SRBD1: variants seen among roughly 807,000 people sequenced by gnomAD.
The protein encoded by SRBD1 is S1 RNA binding domain 1, also known as S1 RNA-binding domain-containing protein 1.
A neutral mutation model predicts 115.3 loss-of-function variants in SRBD1; 88 were observed. That is an observed-to-expected ratio of 0.76 (90% CI 0.64 to 0.91). The LOEUF is 0.91. Among genes scored for constraint, SRBD1 ranks in the 40% least tolerant of loss-of-function variants. SRBD1 has a pLI of 0.00. For missense variants in SRBD1, 1,385 were observed against 1,177.4 expected, an observed-to-expected ratio of 1.18 and a Z score of -2.58; for synonymous variants, 509 against 407.7, an observed-to-expected ratio of 1.25 and a Z score of -2.99.
At chr2:45,517,987 A>G (rs1216526573) in intron 14 of SRBD1, among the ~76,000 whole-genome samples, 1 of 152,140 alleles carries the variant, frequency 6.6e-6, no homozygotes, top group Non-Finnish European at 1.5e-5. Flanking sequence ...GGTGACAGGG[A>G]GCCTATCTCA....
intron 12 of SRBD1, among the ~76,000 whole-genome samples, chr2:45,548,830 T>C (rs1169680031): frequency 3.3e-5 from 5 of 151,220 alleles, no homozygotes; most frequent in South Asian, 2.1e-4. Flanking sequence ...AGAACATAGA[T>C]AAAATATCCC....
Position 45,520,895 on chromosome 2 carries a change from C to T in SRBD1, c.1874+25837G>A, listed in dbSNP as rs149392899. Among the ~76,000 whole-genome samples the T allele has an allele frequency of 1.4e-4, 22 of 152,312 alleles. No homozygotes were observed. The East Asian group carries it at 4.3e-3, about 29-fold the overall frequency. On this transcript the variant is annotated intron_variant, in intron 14 of 20. Coordinates refer to ENST00000263736, the MANE Select transcript of SRBD1 (RefSeq NM_018079.5). The stretch of plus-strand genomic sequence containing the variant: ...AAGTCCATGTGTAACCCAATTCTTC[C>T]AGGATGTTGGACAACAGCTTGGGAT...
intron 14 of SRBD1, among the ~76,000 whole-genome samples, chr2:45,529,331 G>T (rs1026621821): frequency 1.3e-5 from 2 of 151,776 alleles, no homozygotes; most frequent in African/African-American, 4.8e-5. Flanking sequence ...GGAAAAAGCA[G>T]TAAAAAAATG....
chr2:45,414,693 C>A lies in SRBD1; in HGVS notation c.2334-1400G>T, dbSNP rs1008966839. On this transcript the variant is annotated intron_variant, in intron 18 of 20. Transcript: ENST00000263736. ...TGTATATAGTATGTATATACACACACACATAGTGTGTATATAGTATGTATA... is the reference window on the plus strand; with the variant it reads ...TGTATATAGTATGTATATACACACAAACATAGTGTGTATATAGTATGTATA... Among the ~76,000 whole-genome samples, 13 of 145,520 alleles carry A rather than the reference C, an allele frequency of 8.9e-5. 1 individual carries two copies. Among genetic ancestry groups the A allele is most frequent in the African/African-American group, 3.4e-4 (13 of 38,656 alleles).
intron 10 of SRBD1, among the ~76,000 whole-genome samples, chr2:45,561,479 A>G (rs138329410): frequency 9.4e-4 from 143 of 152,386 alleles, no homozygotes; most frequent in Non-Finnish European, 1.5e-3. Flanking sequence ...TCCAAAATCC[A>G]TGATACTTAT....
chr2:45,509,263 T>C (rs1670889077), intron 14 of SRBD1, among the ~76,000 whole-genome samples: 1 of 152,126 alleles, frequency 6.6e-6, no homozygotes, highest in Non-Finnish European at 1.5e-5. Context: ...TATCAGTTTC[T>C]AACCTTACCT....
intron 16 of SRBD1, among the ~76,000 whole-genome samples, chr2:45,456,754 C>T (rs1669167260): frequency 6.6e-6 from 1 of 151,810 alleles, no homozygotes; most frequent in African/African-American, 2.4e-5. Context: ...AACCCTGTGT[C>T]AACATATGAT....
At chr2:45,546,349 T>C (rs1672118503) in intron 14 of SRBD1, 2 of 985,434 alleles carry the variant, frequency 2.0e-6, no homozygotes, top group Non-Finnish European at 2.4e-6. Context: ...TAATGATTCA[T>C]AGGCTTCAAA....
At position 45,472,492 on chromosome 2, in the gene SRBD1, T is replaced by TG. The variant is rs200055349; in HGVS notation, c.2049+4500dup. ...AAGCTGGGTTTGTCTTTTTAAGAGA[T>TG]GGGGGGGTCTCACTATGTCATCCAG... On this transcript the variant is annotated intron_variant, in intron 16 of 20. Coordinates refer to ENST00000263736, the MANE Select transcript of SRBD1 (RefSeq NM_018079.5). Among the ~76,000 whole-genome samples, 58 of 152,212 alleles carry TG rather than the reference T, an allele frequency of 3.8e-4. No homozygotes were observed. The East Asian group carries it at 8.9e-3, about 23-fold the overall frequency.
intron 7 of SRBD1, among the ~76,000 whole-genome samples, chr2:45,576,121 T>G (rs1039149508): frequency 6.6e-6 from 1 of 152,078 alleles, no homozygotes; most frequent in Non-Finnish European, 1.5e-5. Context: ...AAACAACTCC[T>G]CCTCCTCCTC....
At position 45,572,102 on chromosome 2, in the gene SRBD1, T is replaced by C. The variant is rs1015950364; in HGVS notation, c.1305+1105A>G. 6.6e-5 allele frequency among the ~76,000 whole-genome samples: 10 copies of C among 152,068 alleles called. No homozygotes were observed. The East Asian group carries it at 1.9e-3, about 29-fold the overall frequency. On this transcript the variant is annotated intron_variant, in intron 9 of 20. Transcript: ENST00000263736. ...ACATTATAATCAAACTGTCAAAAGA[T>C]AAAGACAGAGAATCCTGAATGCAGC...
At chr2:45,569,547 GT>G (rs574599223) in intron 9 of SRBD1, 2 of 151,930 alleles carry the variant, frequency 1.3e-5, no homozygotes, top group Non-Finnish European at 2.9e-5. Context: ...AGGAATACTA[GT>G]TTTTTTTCTA....
chr2:45,497,521 C>T (rs1226027366), intron 14 of SRBD1, among the ~76,000 whole-genome samples: 1 of 152,170 alleles, frequency 6.6e-6, no homozygotes, highest in African/African-American at 2.4e-5. Flanking sequence ...TGCTGAGCCA[C>T]ACCCCCACAG....
At chr2:45,462,076 G>C (rs1669334098) in intron 16 of SRBD1, among the ~76,000 whole-genome samples, 4 of 152,148 alleles carry the variant, frequency 2.6e-5, no homozygotes, top group Non-Finnish European at 5.9e-5. Context: ...TCATTTTGTA[G>C]ATAAACTTCA....
In SRBD1 at chr2:45,574,519, A is replaced by G. The variant is rs1673116938; in HGVS notation, c.1169+108T>C. 5.0e-6 allele frequency: 5 copies of G among 1,009,108 alleles called. No homozygotes were observed. The South Asian group carries it at 8.7e-5, about 18-fold the overall frequency. The allele number at this position is 1,009,108 out of a possible 1,614,324, so 62.5% of individuals were successfully genotyped here. A position where few individuals can be genotyped will look rare whatever the true frequency, so the allele number is the denominator to read the frequency against. ...AACAAAGAGTTTTGCTACTTTAAAAAAAAGTCTGAAAACAAAGTTTTTAAT... is the reference window on the plus strand; with the variant it reads ...AACAAAGAGTTTTGCTACTTTAAAAGAAAGTCTGAAAACAAAGTTTTTAAT... On this transcript the variant is annotated intron_variant, in intron 8 of 20. Transcript: ENST00000263736.
chr2:45,610,318 C>A (rs1329767553), intron 1 of SRBD1, among the ~76,000 whole-genome samples: 1 of 152,116 alleles, frequency 6.6e-6, no homozygotes, highest in Non-Finnish European at 1.5e-5. Context: ...CAAAGGAGGA[C>A]AATTTCTTAA....
intron 14 of SRBD1, among the ~76,000 whole-genome samples, chr2:45,540,382 C>G (rs928199017): frequency 1.3e-5 from 2 of 151,032 alleles, no homozygotes; most frequent in African/African-American, 4.9e-5. Flanking sequence ...TGTCAATTCT[C>G]CAAAAATTAA....
intron 14 of SRBD1, among the ~76,000 whole-genome samples, chr2:45,502,775 A>G (rs1041653247): frequency 1.3e-5 from 2 of 152,016 alleles, no homozygotes. Flanking sequence ...ACGTGTATAC[A>G]TATGTAACAA....
At chr2:45,461,528 G>A (rs751853545) in intron 16 of SRBD1, among the ~76,000 whole-genome samples, 3 of 152,052 alleles carry the variant, frequency 2.0e-5, no homozygotes, top group Non-Finnish European at 4.4e-5. Flanking sequence ...TCTATATACT[G>A]CAAACTCGTT....
Sources: allele counts gnomAD v4.1 joint callset (sites outside exome capture counted in the v4.1 genomes callset), GRCh38; gene constraint gnomAD v4.1.1; transcripts MANE v1.5; gene names NCBI Gene and HGNC (gene_info 2026-07-23, HGNC 2026-07-21).